Variants in NR1D2 observed in about 807,000 individuals in gnomAD.
The protein encoded by NR1D2 is nuclear receptor subfamily 1 group D member 2, also known as V-erbA-related protein 1-related.
Under a neutral mutation model 52.2 loss-of-function variants are expected in NR1D2, and 25 were observed. That is an observed-to-expected ratio of 0.48 (90% CI 0.35 to 0.67). The LOEUF is 0.67. Ranked by LOEUF, NR1D2 falls within the 30% of genes least tolerant of loss-of-function variation. The pLI is 0.01. For synonymous variants in NR1D2, 259 were observed against 230.1 expected (o/e 1.13, Z -1.14); for missense variants, 681 against 707.2 (o/e 0.96, Z 0.42).
chr3:23,963,330 G>A lies in NR1D2; in HGVS notation c.1146+725G>A, dbSNP rs758470007. The A allele has an allele frequency of 6.7e-5, 90 of 1,337,342 alleles. No individual in the cohort carries two copies. In the African/African-American group the frequency reaches 1.2e-3, roughly 18 times the overall value. The allele number at this position is 1,337,342 out of a possible 1,614,324, so 82.8% of individuals were successfully genotyped here. A position where few individuals can be genotyped will look rare whatever the true frequency, so the allele number is the denominator to read the frequency against. ...TAGTGCTTGGTATTTTCTACTGACA[G>A]GTAATTAAAGTCGTCTTTTTCATTT... On this transcript the variant is annotated intron_variant, in intron 5 of 7. Transcript: ENST00000312521.
At chr3:23,955,798 G>T (rs1002172726) in intron 2 of NR1D2, among the ~76,000 whole-genome samples, 4 of 152,002 alleles carry the variant, frequency 2.6e-5, no homozygotes, top group African/African-American at 9.7e-5. Flanking sequence ...GTTCCAGCCT[G>T]GGCGACAGAG....
At chr3:23,965,414 GTT>G (rs199916460) in intron 6 of NR1D2, among the ~76,000 whole-genome samples, 4 of 132,892 alleles carry the variant, frequency 3.0e-5, no homozygotes, top group African/African-American at 5.5e-5. Flanking sequence ...AATTTTTTTT[GTT>G]TTTTTTTTTT....
intron 1 of NR1D2, chr3:23,946,350 GA>G (rs750207044): frequency 2.7e-5 from 26 of 956,318 alleles, no homozygotes; most frequent in Non-Finnish European, 3.1e-5. Context: ...GGAAGTGCAG[GA>G]CGAGGGCGTG....
At chr3:23,971,303 ATTT>A (rs11457044) in intron 7 of NR1D2, among the ~76,000 whole-genome samples, 1 of 123,114 alleles carries the variant, frequency 8.1e-6, no homozygotes, top group African/African-American at 3.2e-5. Flanking sequence ...CTCTATACCT[ATTT>A]TTTTTTTTTT....
intron 1 of NR1D2, among the ~76,000 whole-genome samples, chr3:23,951,202 G>C (rs1559329709): frequency 6.6e-6 from 1 of 152,136 alleles, no homozygotes; most frequent in Non-Finnish European, 1.5e-5. Context: ...ACTGTGCCCG[G>C]CCAGCTCTAA....
intron 1 of NR1D2, chr3:23,946,019 G>C (rs899944294): frequency 1.3e-6 from 1 of 797,570 alleles, no homozygotes; most frequent in Non-Finnish European, 1.5e-6. Flanking sequence ...GCAGGGACAC[G>C]TGGGGGCGGG....
At chr3:23,966,323 T>A (rs1706450207) in intron 6 of NR1D2, among the ~76,000 whole-genome samples, 1 of 152,278 alleles carries the variant, frequency 6.6e-6, no homozygotes, top group African/African-American at 2.4e-5. Flanking sequence ...CGATTTAACT[T>A]GGATGTCAAT....
At chr3:23,948,873 A>G (rs150912510) in intron 1 of NR1D2, among the ~76,000 whole-genome samples, 35 of 152,304 alleles carry the variant, frequency 2.3e-4, no homozygotes, top group African/African-American at 6.5e-4. Context: ...GAGATACTGC[A>G]TGTGTATGGA....
intron 5 of NR1D2, among the ~76,000 whole-genome samples, chr3:23,963,679 C>A (rs1706358692): frequency 1.3e-5 from 2 of 151,980 alleles, no homozygotes; most frequent in African/African-American, 4.8e-5. Context: ...GAATTCCTGG[C>A]CTCAAGTGAT....
At chr3:23,971,693 C>T (rs1462218396) in intron 7 of NR1D2, among the ~76,000 whole-genome samples, 2 of 65,170 alleles carry the variant, frequency 3.1e-5, no homozygotes, top group African/African-American at 7.1e-5. Flanking sequence ...TTAATATACT[C>T]ACAGTTTTTG....
intron 7 of NR1D2, 32 bp downstream of exon 7, chr3:23,968,055 C>T: frequency 1.9e-6 from 3 of 1,576,642 alleles, no homozygotes; most frequent in Non-Finnish European, 2.6e-6. Flanking sequence ...TGTGCCACAC[C>T]TAGCATATAG....
intron 1 of NR1D2, among the ~76,000 whole-genome samples, chr3:23,945,892 G>A (rs996645637): frequency 6.6e-6 from 1 of 150,724 alleles, no homozygotes; most frequent in Non-Finnish European, 1.5e-5. Context: ...GCGGCGCGCG[G>A]GCGCCGGTTG....
intron 7 of NR1D2, among the ~76,000 whole-genome samples, chr3:23,974,390 C>T (rs527849923): frequency 1.3e-5 from 2 of 152,050 alleles, no homozygotes; most frequent in Non-Finnish European, 2.9e-5. Flanking sequence ...GCTGCAACGT[C>T]ACTGGGCGAT....
In NR1D2 at chr3:23,967,949, G is replaced by A; in HGVS notation, c.1469G>A (p.Ser490Asn). The A allele has an allele frequency of 6.2e-7, 1 of 1,614,152 alleles. No individual in the cohort carries two copies. Among genetic ancestry groups the A allele is most frequent in the Non-Finnish European group, 8.5e-7 (1 of 1,180,032 alleles). The stretch of plus-strand genomic sequence containing the variant: ...CTGCTAAACTCTATGTTTGAATTTA[G>A]TGAGAAGCTAAATGCCCTCCAACTT... Reference protein sequence around the residue: ...GDLLNSMFEFSEKLNALQLSD... With the variant: ...GDLLNSMFEFNEKLNALQLSD... Residue 490 changes from serine to asparagine, a missense_variant, in exon 7 of 8, where the codon AGT becomes AAT. Ser to Asn is a conservative substitution (Grantham distance 46). Around this residue, in one of 3 missense-constraint regions of NR1D2, gnomAD observed 475 missense variants for 454.5 expected, o/e 1.05. Transcript: ENST00000312521.
intron 4 of NR1D2, among the ~76,000 whole-genome samples, chr3:23,960,943 TTC>T (rs979161373): frequency 2.0e-5 from 3 of 152,220 alleles, no homozygotes; most frequent in Admixed American, 2.0e-4. Flanking sequence ...AAGCTTTTCT[TTC>T]TCTCATGGAT....
At chr3:23,968,962 A>G (rs976404100) in intron 7 of NR1D2, among the ~76,000 whole-genome samples, 3 of 152,170 alleles carry the variant, frequency 2.0e-5, no homozygotes, top group African/African-American at 7.2e-5. Flanking sequence ...TTATGTAGCT[A>G]AACCATAAAT....
rs60587118 is a variant in NR1D2 at position 23,974,088 on chromosome 3, C to CTTTTTTTT, written c.1544-3116_1544-3109dup. 1.5e-3 allele frequency among the ~76,000 whole-genome samples: 117 copies of CTTTTTTTT among 79,504 alleles called. 19 individuals are homozygous for CTTTTTTTT. Among genetic ancestry groups the CTTTTTTTT allele is most frequent in the African/African-American group, 4.7e-3 (90 of 19,144 alleles). The allele number at this position is 79,504 out of a possible 152,430, so 52.2% of individuals were successfully genotyped here. ...CTGCCTGAGGCTGCTTTACAGTTAC[C>CTTTTTTTT]TTTTTTTTTTTTTTTTTTTTTTTTT... On this transcript the variant is annotated intron_variant, in intron 7 of 7. Coordinates refer to ENST00000312521, the MANE Select transcript of NR1D2 (RefSeq NM_005126.5).
chr3:23,946,066 C>T (rs779449989), intron 1 of NR1D2: 1 of 982,570 alleles, frequency 1.0e-6, no homozygotes, highest in Non-Finnish European at 1.2e-6. Context: ...GCGCCGCAGC[C>T]TCCCGGGAGG....
chr3:23,956,250 T>G, intron 3 of NR1D2, 125 bp downstream of exon 3: 2 of 701,160 alleles, frequency 2.9e-6, no homozygotes. Flanking sequence ...TTTTTAAGTT[T>G]TAAGCATTTT....
Sources: gnomAD v4.1 joint callset for allele counts (sites outside exome capture counted in the v4.1 genomes callset) on GRCh38, gnomAD v4.1.1 for gene constraint, gnomAD v4.1.1 regional missense constraint, MANE v1.5 for transcripts, NCBI Gene and HGNC (gene_info 2026-07-23, HGNC 2026-07-21) for gene names.